The following GPC5 variants were observed in gnomAD, a reference collection of about 807,000 sequenced individuals.
GPC5 encodes glypican 5, also known as glypican-5.
A neutral mutation model predicts 53.9 loss-of-function variants in GPC5; 47 were observed. That is an observed-to-expected ratio of 0.87 (90% confidence interval 0.69 to 1.11). The LOEUF (loss-of-function observed/expected upper bound fraction) is 1.11. Ranked by LOEUF, GPC5 falls within the 50% of genes most tolerant of loss-of-function variation. The pLI is 0.00. For synonymous variants in GPC5, 286 were observed against 263.3 expected (o/e 1.09, Z -0.84); for missense variants, 748 against 713.1 (o/e 1.05, Z -0.56).
chr13:92,729,675 G>C lies in GPC5; in HGVS notation c.1562-136607G>C, dbSNP rs372569182. On this transcript the variant is annotated intron_variant, in intron 7 of 7. Transcript: ENST00000377067. ...AGCTTTAGCAATTAGCTAATGATCAGCATGTATTTGATGTTGATTGACATA... is the reference window on the plus strand; with the variant it reads ...AGCTTTAGCAATTAGCTAATGATCACCATGTATTTGATGTTGATTGACATA... Among the ~76,000 whole-genome samples the C allele has an allele frequency of 4.5e-4, 68 of 151,490 alleles. No homozygotes were observed. The South Asian group carries it at 0.012, about 27-fold the overall frequency.
intron 6 of GPC5, among the ~76,000 whole-genome samples, chr13:92,135,471 A>G (rs1405594214): frequency 6.6e-6 from 1 of 152,172 alleles, no homozygotes; most frequent in African/African-American, 2.4e-5. Flanking sequence ...ACAAATTCAT[A>G]ATAAACCTAC....
chr13:91,695,605 G>C (rs1458880281), intron 3 of GPC5, among the ~76,000 whole-genome samples: 2 of 151,980 alleles, frequency 1.3e-5, no homozygotes, highest in Non-Finnish European at 2.9e-5. Flanking sequence ...TCGTTCTCCT[G>C]ACCTCGTGAC....
intron 2 of GPC5, among the ~76,000 whole-genome samples, chr13:91,492,745 A>G (rs1277873370): frequency 6.6e-6 from 1 of 152,190 alleles, no homozygotes; most frequent in Admixed American, 6.5e-5. Flanking sequence ...GCCACATAAA[A>G]TTAACCATCA....
chr13:91,811,005 TA>T (rs1206033745), intron 5 of GPC5, among the ~76,000 whole-genome samples: 1 of 151,588 alleles, frequency 6.6e-6, no homozygotes, highest in Admixed American at 6.6e-5. Context: ...TTCTCAACAT[TA>T]TTTAGCAAAT....
intron 2 of GPC5, among the ~76,000 whole-genome samples, chr13:91,480,225 C>T (rs1883225244): frequency 6.6e-6 from 1 of 152,168 alleles, no homozygotes; most frequent in African/African-American, 2.4e-5. Flanking sequence ...AAAATATAAA[C>T]ACGTCTTCAT....
chr13:92,160,667 A>C (rs1016225032), intron 7 of GPC5, among the ~76,000 whole-genome samples: 1 of 152,134 alleles, frequency 6.6e-6, no homozygotes, highest in African/African-American at 2.4e-5. Context: ...TGTCAGTGAG[A>C]TTACTATATA....
chr13:91,427,664 T>C (rs1208921800), intron 1 of GPC5, among the ~76,000 whole-genome samples: 1 of 152,042 alleles, frequency 6.6e-6, no homozygotes, highest in African/African-American at 2.4e-5. Context: ...AGTTAAGACT[T>C]TGGGGGACTG....
At chr13:91,978,880 GAA>G (rs1480759537) in intron 6 of GPC5, among the ~76,000 whole-genome samples, 1 of 152,204 alleles carries the variant, frequency 6.6e-6, no homozygotes, top group Non-Finnish European at 1.5e-5. Flanking sequence ...TATGGCAGTA[GAA>G]ATGAAGAGGA....
intron 2 of GPC5, among the ~76,000 whole-genome samples, chr13:91,638,029 A>G (rs2034326038): frequency 6.6e-6 from 1 of 152,354 alleles, no homozygotes; most frequent in South Asian, 2.1e-4. Flanking sequence ...ACAGGCAGAG[A>G]GAAAAAGGAA....
intron 7 of GPC5, among the ~76,000 whole-genome samples, chr13:92,426,506 T>C (rs994998474): frequency 2.6e-5 from 4 of 152,116 alleles, no homozygotes; most frequent in Non-Finnish European, 5.9e-5. Flanking sequence ...TACCCTTAGA[T>C]GGGAGACTAG....
chr13:92,866,478 G>T lies in GPC5; in HGVS notation c.*39G>T. ...TCCTGACATACCTTACTGAAGTCTCGATTTCTTCTCTCTCTGCATATGCCT... is the reference window on the plus strand; with the variant it reads ...TCCTGACATACCTTACTGAAGTCTCTATTTCTTCTCTCTCTGCATATGCCT... On this transcript the variant is annotated 3_prime_UTR_variant, in exon 8 of 8. Transcript: ENST00000377067. 6.7e-7 allele frequency: 1 copy of T among 1,486,266 alleles called. No homozygotes were observed. The highest frequency in any genetic ancestry group is 9.1e-7 in the Non-Finnish European group (1 of 1,100,194). The allele number at this position is 1,486,266 out of a possible 1,614,324, so 92.1% of individuals were successfully genotyped here. A position where few individuals can be genotyped will look rare whatever the true frequency, so the allele number is the denominator to read the frequency against.
chr13:91,802,850 T>G (rs2038158418), intron 5 of GPC5, among the ~76,000 whole-genome samples: 1 of 152,132 alleles, frequency 6.6e-6, no homozygotes, highest in Non-Finnish European at 1.5e-5. Context: ...ATAAGTTACC[T>G]GAGCATTGTT....
At chr13:91,472,189 A>G (rs560390736) in intron 2 of GPC5, among the ~76,000 whole-genome samples, 2 of 152,270 alleles carry the variant, frequency 1.3e-5, no homozygotes, top group South Asian at 4.1e-4. Context: ...CACTTTCCTT[A>G]GGACAATGTA....
At chr13:92,285,962 A>C (rs2042951237) in intron 7 of GPC5, among the ~76,000 whole-genome samples, 1 of 152,186 alleles carries the variant, frequency 6.6e-6, no homozygotes, top group South Asian at 2.1e-4. Flanking sequence ...GGCAACCTAC[A>C]GAATGGGAGA....
intron 7 of GPC5, among the ~76,000 whole-genome samples, chr13:92,226,348 T>C (rs372369540): frequency 6.6e-6 from 1 of 152,212 alleles, no homozygotes; most frequent in Non-Finnish European, 1.5e-5. Flanking sequence ...AACAATCGTG[T>C]GTCTGGATAT....
At chr13:92,770,249 A>G (rs1317843642) in intron 7 of GPC5, among the ~76,000 whole-genome samples, 2 of 151,990 alleles carry the variant, frequency 1.3e-5, no homozygotes, top group Non-Finnish European at 2.9e-5. Flanking sequence ...CCCTATCTCT[A>G]AAAGATATCA....
At chr13:91,490,731 G>C (rs976953876) in intron 2 of GPC5, among the ~76,000 whole-genome samples, 1 of 152,212 alleles carries the variant, frequency 6.6e-6, no homozygotes, top group African/African-American at 2.4e-5. Context: ...CCAGCCCAGA[G>C]AGAAAAAGCT....
At chr13:91,739,668 CT>C (rs1207215541) in intron 4 of GPC5, among the ~76,000 whole-genome samples, 1 of 151,322 alleles carries the variant, frequency 6.6e-6, no homozygotes, top group Non-Finnish European at 1.5e-5. Context: ...GCTTGAGTGT[CT>C]TCACATTGCG....
intron 2 of GPC5, among the ~76,000 whole-genome samples, chr13:91,572,903 A>G (rs1420931037): frequency 3.3e-5 from 5 of 152,136 alleles, no homozygotes; most frequent in Non-Finnish European, 7.3e-5. Context: ...TGGGACTTAC[A>G]TTCACTCCCA....
Sources: allele counts gnomAD v4.1 joint callset (sites outside exome capture counted in the v4.1 genomes callset), GRCh38; gene constraint gnomAD v4.1.1; transcripts MANE v1.5; gene names NCBI Gene and HGNC (gene_info 2026-07-23, HGNC 2026-07-21).